UBE2F: variants seen among roughly 807,000 people sequenced by gnomAD.
UBE2F encodes NEDD8-conjugating enzyme UBE2F.
In UBE2F, 5 loss-of-function variants were observed where a neutral mutation model predicts 29.6. The ratio of observed to expected loss-of-function variants is 0.17; its 90% CI spans 0.09 to 0.36. UBE2F has a LOEUF of 0.36. Among genes scored for constraint, UBE2F ranks in the 10% least tolerant of loss-of-function variants. The probability of loss-of-function intolerance (pLI) is 1.00; values close to 1 mark genes in which losing one functional copy is unlikely to be tolerated. For missense variants in UBE2F, 141 were observed against 228.5 expected (o/e 0.62, Z 2.47); for synonymous variants, 66 against 81.8 (o/e 0.81, Z 1.04).
intron 4 of UBE2F, among the ~76,000 whole-genome samples, chr2:238,002,160 G>A (rs903591685): frequency 2.7e-5 from 4 of 149,730 alleles, no homozygotes; most frequent in Non-Finnish European, 3.0e-5. Flanking sequence ...TGCCTCCCAG[G>A]TTCAAGCGAT....
At chr2:238,018,140 A>C (rs925420586) in intron 5 of UBE2F, among the ~76,000 whole-genome samples, 10 of 152,178 alleles carry the variant, frequency 6.6e-5, no homozygotes, top group Non-Finnish European at 1.0e-4. Flanking sequence ...AACCACACTG[A>C]GAAACCTGGC....
intron 5 of UBE2F, among the ~76,000 whole-genome samples, chr2:238,019,124 T>C (rs1282558819): frequency 6.6e-6 from 1 of 152,150 alleles, no homozygotes; most frequent in East Asian, 1.9e-4. Flanking sequence ...ATCATTCCCA[T>C]GCAGCCTTTC....
chr2:237,989,693 C>T (rs1422641378), intron 3 of UBE2F, among the ~76,000 whole-genome samples: 3 of 152,012 alleles, frequency 2.0e-5, no homozygotes, highest in South Asian at 2.1e-4. Context: ...GGGTAGGTAT[C>T]GTGAGTTGTG....
chr2:237,992,757 C>G (rs1319166741), intron 3 of UBE2F, among the ~76,000 whole-genome samples: 1 of 152,154 alleles, frequency 6.6e-6, no homozygotes, highest in African/African-American at 2.4e-5. Flanking sequence ...CTACTTATGT[C>G]TCCTAATTGA....
intron 4 of UBE2F, among the ~76,000 whole-genome samples, chr2:238,014,454 G>A (rs923192785): frequency 2.0e-5 from 3 of 152,200 alleles, no homozygotes; most frequent in Non-Finnish European, 2.9e-5. Flanking sequence ...AGGGAATAAG[G>A]TGAAGTGATA....
rs1026299419 is a variant in UBE2F at position 237,967,358 on chromosome 2, C to T, written c.-17+226C>T. 3.2e-4 allele frequency among the ~76,000 whole-genome samples: 48 copies of T among 147,944 alleles called. No individual in the cohort carries two copies. The highest frequency in any genetic ancestry group is 2.9e-4 in the Non-Finnish European group (19 of 66,448). On this transcript the variant is annotated intron_variant, in intron 1 of 9. Coordinates refer to ENST00000272930, the MANE Select transcript of UBE2F (RefSeq NM_080678.3). The surrounding 1 kb of genome is among the most constrained non-coding windows in gnomAD (Gnocchi z 6.3). ...GCCGCGAGCCGGGGGTCGGAGGCGGCGTCGGCGGCCGGGGCGCTGGCCTCG... is the reference window on the plus strand; with the variant it reads ...GCCGCGAGCCGGGGGTCGGAGGCGGTGTCGGCGGCCGGGGCGCTGGCCTCG...
At chr2:238,034,045 C>T (rs7601842) in intron 8 of UBE2F, among the ~76,000 whole-genome samples, 126,915 of 151,992 alleles carry the variant, frequency 0.84, 53,092 homozygotes, top group East Asian at 0.97. Context: ...CTGTCCCAGG[C>T]TCCTTGGCTC....
At chr2:237,994,128 G>C (rs1481947869) in intron 3 of UBE2F, among the ~76,000 whole-genome samples, 1 of 87,196 alleles carries the variant, frequency 1.1e-5, no homozygotes, top group Admixed American at 1.3e-4. Flanking sequence ...TTTTTTTTTT[G>C]AGGCAGAGTT....
chr2:238,025,479 C>T (rs916824953), intron 6 of UBE2F, 67 bp downstream of exon 6: 15 of 1,382,296 alleles, frequency 1.1e-5, no homozygotes, highest in Non-Finnish European at 1.4e-5. Context: ...GGCTTTTAAA[C>T]ATGTTGTCTC....
chr2:238,003,622 A>C (rs1483849794), intron 4 of UBE2F: 1 of 199,708 alleles, frequency 5.0e-6, no homozygotes, highest in African/African-American at 2.3e-5. Flanking sequence ...AGTGCGTATA[A>C]AATCTCCAAA....
chr2:237,990,310 C>T, intron 3 of UBE2F: 1 of 407,980 alleles, frequency 2.5e-6, no homozygotes, highest in Non-Finnish European at 4.8e-6. Context: ...GGACATTTTC[C>T]TAATAAAAAT....
chr2:238,008,193 A>T (rs1306953368), intron 4 of UBE2F, among the ~76,000 whole-genome samples: 1 of 152,112 alleles, frequency 6.6e-6, no homozygotes. Context: ...GCTGGTCTCG[A>T]ACCCTTGGGC....
At chr2:238,038,094 G>C (rs2064758343) in intron 9 of UBE2F, among the ~76,000 whole-genome samples, 1 of 152,218 alleles carries the variant, frequency 6.6e-6, no homozygotes, top group African/African-American at 2.4e-5. Context: ...CAAAGAGTGG[G>C]CAGGAGCACC....
intron 4 of UBE2F, among the ~76,000 whole-genome samples, chr2:238,014,606 C>T (rs1275379989): frequency 1.3e-5 from 2 of 152,176 alleles, no homozygotes; most frequent in African/African-American, 4.8e-5. Context: ...ACCAGGGTGT[C>T]TCGCATGGGT....
intron 2 of UBE2F, among the ~76,000 whole-genome samples, chr2:237,981,614 CTTTTTTTTT>C (rs139270010): frequency 9.6e-5 from 6 of 62,370 alleles, no homozygotes; most frequent in African/African-American, 3.2e-4. Flanking sequence ...AATTTGAATT[CTTTTTTTTT>C]TTTTTTTTTT....
At chr2:237,989,633 G>C (rs548260398) in intron 3 of UBE2F, among the ~76,000 whole-genome samples, 1 of 151,990 alleles carries the variant, frequency 6.6e-6, no homozygotes, top group South Asian at 2.1e-4. Context: ...GATTACAGGC[G>C]TGAGCCACTG....
chr2:237,969,354 T>C (rs2063126082), intron 1 of UBE2F, among the ~76,000 whole-genome samples: 1 of 151,784 alleles, frequency 6.6e-6, no homozygotes, highest in Non-Finnish European at 1.5e-5. Flanking sequence ...GCATGAAGGA[T>C]CTCTCTCCCC....
chr2:238,031,277 A>G (rs185243509), intron 7 of UBE2F, among the ~76,000 whole-genome samples: 1 of 152,238 alleles, frequency 6.6e-6, no homozygotes, highest in Admixed American at 6.5e-5. Context: ...CCTCTCCTCC[A>G]GCCCTCTCCC....
intron 9 of UBE2F, among the ~76,000 whole-genome samples, chr2:238,036,555 A>T (rs2064713335): frequency 6.6e-6 from 1 of 152,086 alleles, no homozygotes; most frequent in East Asian, 1.9e-4. Context: ...TAGCACTAGC[A>T]TGGTGGCGTT....
Sources: gnomAD v4.1 joint callset for allele counts (sites outside exome capture counted in the v4.1 genomes callset) on GRCh38, gnomAD v4.1.1 for gene constraint, Gnocchi (gnomAD v3.1) non-coding constraint, MANE v1.5 for transcripts, NCBI Gene and HGNC (gene_info 2026-07-23, HGNC 2026-07-21) for gene names.